The following UBR2 variants were observed in gnomAD, a reference collection of about 807,000 sequenced individuals.
The protein encoded by UBR2 is ubiquitin protein ligase E3 component n-recognin 2, also known as E3 ubiquitin-protein ligase UBR2.
Under a neutral mutation model 247.9 loss-of-function variants are expected in UBR2, and 92 were observed. The ratio of observed to expected loss-of-function variants is 0.37; its 90% CI spans 0.31 to 0.44. UBR2 has a LOEUF of 0.44. Among genes scored for constraint, UBR2 ranks in the 20% least tolerant of loss-of-function variants. UBR2 has a pLI of 1.00. For synonymous variants in UBR2, 672 were observed against 693.5 expected, an observed-to-expected ratio of 0.97 and a Z score of 0.49; for missense variants, 1,613 against 2,112.6, an observed-to-expected ratio of 0.76 and a Z score of 4.64.
At position 42,652,601 on chromosome 6, in the gene UBR2, G is replaced by C. The variant is rs1030092844; in HGVS notation, c.2725G>C (p.Val909Leu). 1.2e-6 allele frequency: 2 copies of C among 1,613,544 alleles called. No individual in the cohort carries two copies. Among genetic ancestry groups the C allele is most frequent in the Admixed American group, 1.7e-5 (1 of 59,834 alleles). ...CATGGGAACAATTCTGCAATGGGCT[G>C]TGGAACATAATGGATATGCCTGGTC... ...CIMGTILQWAVEHNGYAWSES... is the reference protein window; with the variant it reads ...CIMGTILQWALEHNGYAWSES... The change falls in exon 25 of 47, where the codon GTG (valine) becomes CTG (leucine). Residue 909 changes from valine (V) to leucine (L), a missense_variant. Val to Leu is a conservative substitution (Grantham distance 32). Coordinates refer to ENST00000372901, the MANE Select transcript of UBR2 (RefSeq NM_001363705.2).
At chr6:42,567,549 T>C (rs1414371923) in intron 1 of UBR2, among the ~76,000 whole-genome samples, 6 of 152,068 alleles carry the variant, frequency 3.9e-5, no homozygotes, top group African/African-American at 1.4e-4. Flanking sequence ...GCCAACATGG[T>C]GAAACCCTGT....
intron 11 of UBR2, among the ~76,000 whole-genome samples, chr6:42,625,690 T>C (rs1360050908): frequency 6.6e-6 from 1 of 152,182 alleles, no homozygotes; most frequent in East Asian, 1.9e-4. Flanking sequence ...CCTCATGTGA[T>C]CTGCCTACCT....
rs1797599560 is a variant in UBR2, at chr6:42,658,843, AAAATT to A, written c.3242+22_3242+26del. On this transcript the variant is annotated intron_variant, in intron 29 of 46. Transcript: ENST00000372901. ...ATCATAGGTAAAAAAAAAAAAAAAA[AAAATT>A]AATGTCTTGACGAGTTTTTCCCAAC... is the stretch of plus-strand genomic sequence containing the variant. 1 of 1,526,236 alleles carries A rather than the reference AAAATT, an allele frequency of 6.6e-7. No homozygotes were observed. The highest frequency in any genetic ancestry group is 1.4e-5 in the African/African-American group (1 of 70,176). 94.5% of individuals were successfully genotyped at this position (1,526,236 alleles called of 1,614,324 possible).
Position 42,691,254 on chromosome 6 carries a change from T to C in UBR2, c.*81T>C. On this transcript the variant is annotated 3_prime_UTR_variant, in exon 47 of 47. Coordinates refer to ENST00000372901, the MANE Select transcript of UBR2 (RefSeq NM_001363705.2). ...AAGAAAGAAAGAAGTTCTGCTGAAT[T>C]TGGAAATAAATTCTTTATTTAAACT... is the stretch of plus-strand genomic sequence containing the variant. The C allele has an allele frequency of 6.4e-7, 1 of 1,559,410 alleles. No individual in the cohort carries two copies. Among genetic ancestry groups the C allele is most frequent in the African/African-American group, 1.4e-5 (1 of 72,076 alleles).
rs1797155843 is a variant in UBR2 at position 42,652,135 on chromosome 6, T to G, written c.2614+64T>G. ...TTTGCTTGTTAAACATTGTTTTCTG[T>G]TAACTATGATGATTGTCCTTGGTGG... On this transcript the variant is annotated intron_variant, in intron 24 of 46. Transcript: ENST00000372901. The G allele has an allele frequency of 4.2e-6, 6 of 1,428,326 alleles. 1 individual carries two copies. The South Asian group carries it at 7.8e-5, about 19-fold the overall frequency. 88.5% of individuals were successfully genotyped at this position (1,428,326 alleles called of 1,614,324 possible). A position where few individuals can be genotyped will look rare whatever the true frequency, so the allele number is the denominator to read the frequency against.
intron 41 of UBR2, 133 bp from the exon 42 acceptor site, chr6:42,679,591 C>T (rs1322883419): frequency 4.4e-6 from 3 of 687,840 alleles, no homozygotes; most frequent in Non-Finnish European, 7.5e-6. Context: ...ATTCTGTTAA[C>T]TTCCTACAAG....
At chr6:42,664,745 A>G (rs1231601006) in intron 32 of UBR2, among the ~76,000 whole-genome samples, 1 of 152,162 alleles carries the variant, frequency 6.6e-6, no homozygotes, top group Non-Finnish European at 1.5e-5. Context: ...AGAAGAAATC[A>G]CCCTTGTTGG....
chr6:42,689,601 G>T lies in UBR2; in HGVS notation c.5057G>T (p.Gly1686Val). Residue 1686 changes from glycine to valine, a missense_variant, in exon 46 of 47, where the codon GGC (glycine) becomes GTC (valine). Around this residue, in one of 3 missense-constraint regions of UBR2, gnomAD observed 80 missense variants for 108.6 expected, o/e 0.74. Coordinates refer to ENST00000372901, the MANE Select transcript of UBR2 (RefSeq NM_001363705.2). The surrounding 1 kb of genome is among the most constrained non-coding windows in gnomAD (Gnocchi z 4.0). Reference protein sequence around the residue: ...VRECQVLFLAGKTKGCFYSPP... With the variant: ...VRECQVLFLAVKTKGCFYSPP... ...GAATGTCAGGTGCTATTTTTAGCTG[G>T]CAAAACCAAAGGCTGTTTTTATTCT... The T allele has an allele frequency of 2.5e-6, 4 of 1,614,090 alleles. No homozygotes were observed. The highest frequency in any genetic ancestry group is 3.4e-6 in the Non-Finnish European group (4 of 1,179,966).
intron 2 of UBR2, among the ~76,000 whole-genome samples, chr6:42,583,613 C>T (rs1347764065): frequency 6.6e-6 from 1 of 151,866 alleles, no homozygotes; most frequent in African/African-American, 2.4e-5. Flanking sequence ...CCTCTGCCTA[C>T]CAGGTTCAAG....
At chr6:42,652,164 G>A (rs1797158066) in intron 24 of UBR2, 93 bp downstream of exon 24, 2 of 1,226,860 alleles carry the variant, frequency 1.6e-6, no homozygotes, top group South Asian at 1.5e-5. Context: ...TTGGTGGAAT[G>A]AATATTTAAA....
At chr6:42,669,608 CTATT>C (rs1393871627) in intron 34 of UBR2, among the ~76,000 whole-genome samples, 2 of 152,122 alleles carry the variant, frequency 1.3e-5, no homozygotes, top group African/African-American at 2.4e-5. Context: ...CCTTGGATAA[CTATT>C]TAAGCATAAG....
At chr6:42,577,436 A>G (rs1272394201) in intron 2 of UBR2, among the ~76,000 whole-genome samples, 1 of 152,202 alleles carries the variant, frequency 6.6e-6, no homozygotes, top group African/African-American at 2.4e-5. Context: ...GAAAAAAGCC[A>G]TCTGGGTGTT....
At chr6:42,675,282 A>G (rs1798656991) in intron 38 of UBR2, among the ~76,000 whole-genome samples, 2 of 152,218 alleles carry the variant, frequency 1.3e-5, no homozygotes, top group African/African-American at 4.8e-5. Context: ...ATACGTTCAC[A>G]CTTACATCTC....
At chr6:42,624,748 T>C (rs4379287) in intron 11 of UBR2, among the ~76,000 whole-genome samples, 119,720 of 152,046 alleles carry the variant, frequency 0.79, 47,175 homozygotes, top group East Asian at 0.89. Context: ...CTGGTTGAAT[T>C]ATGGATCACA....
intron 14 of UBR2, among the ~76,000 whole-genome samples, chr6:42,636,181 T>TG (rs1796082802): frequency 1.7e-5 from 1 of 58,790 alleles, no homozygotes; most frequent in African/African-American, 6.0e-5. Flanking sequence ...TTTTTTTTTT[T>TG]GTTTTTTTTT....
intron 2 of UBR2, among the ~76,000 whole-genome samples, chr6:42,590,784 G>A (rs570163206): frequency 6.6e-6 from 1 of 152,170 alleles, no homozygotes; most frequent in Admixed American, 6.5e-5. Context: ...AAGTGATAAA[G>A]AAGATAAAAA....
chr6:42,662,319 A>C, intron 31 of UBR2, 42 bp downstream of exon 31: 1 of 1,260,114 alleles, frequency 7.9e-7, no homozygotes, highest in East Asian at 2.4e-5. Flanking sequence ...AGTTTATCTA[A>C]GGGCTCAATA....
chr6:42,632,069 A>AAAAATAT (rs56721828), intron 11 of UBR2, among the ~76,000 whole-genome samples: 39 of 114,074 alleles, frequency 3.4e-4, no homozygotes, highest in African/African-American at 1.3e-3. Context: ...AAAAAAAAAA[A>AAAAATAT]ATATATATAT....
At chr6:42,572,022 C>T (rs1791179306) in intron 1 of UBR2, among the ~76,000 whole-genome samples, 1 of 151,992 alleles carries the variant, frequency 6.6e-6, no homozygotes, top group Non-Finnish European at 1.5e-5. Flanking sequence ...AGGATTGTCT[C>T]CTAAGAAATG....
Sources: gnomAD v4.1 joint callset for allele counts (sites outside exome capture counted in the v4.1 genomes callset) on GRCh38, gnomAD v4.1.1 for gene constraint, gnomAD v4.1.1 regional missense constraint, Gnocchi (gnomAD v3.1) non-coding constraint, MANE v1.5 for transcripts, NCBI Gene and HGNC (gene_info 2026-07-23, HGNC 2026-07-21) for gene names.